Variants in DKK2 observed in about 807,000 individuals in gnomAD.
The protein encoded by DKK2 is dickkopf-related protein 2.
Under a neutral mutation model 28.1 loss-of-function variants are expected in DKK2, and 11 were observed. The observed-to-expected ratio is 0.39, with a 90% CI of 0.25 to 0.65. The LOEUF (loss-of-function observed/expected upper bound fraction) is 0.65, where lower values mean the gene tolerates loss of function less well. Among genes scored for constraint, DKK2 ranks in the 30% least tolerant of loss-of-function variants. The pLI, the probability that DKK2 is intolerant of heterozygous loss-of-function variation, is 0.47. For missense variants in DKK2, 326 were observed against 335.5 expected (o/e 0.97, Z 0.22); for synonymous variants, 135 against 126.5 (o/e 1.07, Z -0.45).
intron 1 of DKK2, among the ~76,000 whole-genome samples, chr4:107,000,446 A>T (rs1487865263): frequency 1.3e-5 from 2 of 152,236 alleles, no homozygotes; most frequent in African/African-American, 4.8e-5. Flanking sequence ...AACTACTTTT[A>T]GCACATGCAA....
chr4:106,925,207 TG>T (rs146872380), intron 2 of DKK2, among the ~76,000 whole-genome samples: 1,730 of 152,322 alleles, frequency 0.011, 30 homozygotes, highest in African/African-American at 0.04. Flanking sequence ...CTGATTATGT[TG>T]TTTTATATGA....
In DKK2 at chr4:106,927,138, G is replaced by A. The variant is rs112888434; in HGVS notation, c.223-1189C>T. Among the ~76,000 whole-genome samples, 362 of 152,136 alleles carry A rather than the reference G, an allele frequency of 2.4e-3. 1 individual carries two copies. Among genetic ancestry groups the A allele is most frequent in the African/African-American group, 8.4e-3 (350 of 41,508 alleles). On this transcript the variant is annotated intron_variant, in intron 1 of 3. Coordinates refer to ENST00000285311, the MANE Select transcript of DKK2 (RefSeq NM_014421.3). The stretch of plus-strand genomic sequence containing the variant: ...ATAAATAATTTGAACATAAACTATG[G>A]GATAAAATGGTTATGGCTCTCAAAT...
chr4:107,011,843 A>G (rs776680532), intron 1 of DKK2, among the ~76,000 whole-genome samples: 9 of 151,420 alleles, frequency 5.9e-5, no homozygotes, highest in Non-Finnish European at 8.9e-5. Flanking sequence ...ACAAATGTCA[A>G]TACAGTGAGA....
chr4:106,939,314 A>T (rs1286643875), intron 1 of DKK2, among the ~76,000 whole-genome samples: 1 of 152,204 alleles, frequency 6.6e-6, no homozygotes, highest in Non-Finnish European at 1.5e-5. Context: ...CTTATACACC[A>T]ATAACAGACA....
At chr4:107,020,481 A>G (rs1433376880) in intron 1 of DKK2, among the ~76,000 whole-genome samples, 1 of 152,084 alleles carries the variant, frequency 6.6e-6, no homozygotes, top group Non-Finnish European at 1.5e-5. Context: ...GAACAACTGC[A>G]AGAACATTTT....
intron 1 of DKK2, among the ~76,000 whole-genome samples, chr4:106,962,798 C>T (rs549818076): frequency 4.7e-4 from 72 of 151,802 alleles, no homozygotes; most frequent in African/African-American, 1.7e-3. Context: ...GCAAAGGAAA[C>T]AATCAACAAA....
chr4:107,030,714 A>C (rs1434934686), intron 1 of DKK2, among the ~76,000 whole-genome samples: 5 of 152,020 alleles, frequency 3.3e-5, no homozygotes, highest in African/African-American at 4.8e-5. Context: ...TGAGTCTAAA[A>C]TGGTAAATAT....
chr4:106,940,953 T>A (rs1310502362), intron 1 of DKK2, among the ~76,000 whole-genome samples: 4 of 151,738 alleles, frequency 2.6e-5, no homozygotes, highest in Non-Finnish European at 5.9e-5. Flanking sequence ...CTCTGGGGAC[T>A]GTTGTGTGGT....
At chr4:107,017,386 A>C (rs182493174) in intron 1 of DKK2, among the ~76,000 whole-genome samples, 1 of 152,160 alleles carries the variant, frequency 6.6e-6, no homozygotes, top group Non-Finnish European at 1.5e-5. Flanking sequence ...TTGATTTTTC[A>C]AGGCACACTT....
intron 1 of DKK2, among the ~76,000 whole-genome samples, chr4:107,029,926 T>C (rs1325188651): frequency 6.6e-6 from 1 of 152,144 alleles, no homozygotes; most frequent in Non-Finnish European, 1.5e-5. Flanking sequence ...TTTTTAAAAA[T>C]TGACTACTTT....
intron 1 of DKK2, among the ~76,000 whole-genome samples, chr4:107,015,642 T>C (rs368628705): frequency 6.6e-6 from 1 of 151,766 alleles, no homozygotes. Context: ...TTTTCCCACA[T>C]TGTTACCCAA....
rs928086768 is a variant in DKK2 at position 106,977,786 on chromosome 4, G to A, written c.223-51837C>T. Among the ~76,000 whole-genome samples the A allele has an allele frequency of 5.9e-5, 9 of 152,296 alleles. 1 individual carries two copies. Among genetic ancestry groups the A allele is most frequent in the Admixed American group, 5.9e-4 (9 of 15,302 alleles). On this transcript the variant is annotated intron_variant, in intron 1 of 3. Coordinates refer to ENST00000285311, the MANE Select transcript of DKK2 (RefSeq NM_014421.3). ...GTCCAGTTTTGTTCCCTTGTTGGGA[G>A]GAATTGTGATCCTTTGGAGGAGAAG...
At chr4:107,008,650 A>G (rs1023378338) in intron 1 of DKK2, among the ~76,000 whole-genome samples, 1 of 152,024 alleles carries the variant, frequency 6.6e-6, no homozygotes, top group Non-Finnish European at 1.5e-5. Flanking sequence ...TGGAGCCACA[A>G]TGTAGAAGAT....
chr4:107,000,239 C>A (rs891429831), intron 1 of DKK2, among the ~76,000 whole-genome samples: 1 of 152,022 alleles, frequency 6.6e-6, no homozygotes, highest in South Asian at 2.1e-4. Context: ...ATGGATTTTT[C>A]TTTCTTAGTC....
At chr4:106,952,633 A>G (rs1030263568) in intron 1 of DKK2, among the ~76,000 whole-genome samples, 21 of 152,176 alleles carry the variant, frequency 1.4e-4, no homozygotes, top group African/African-American at 5.1e-4. Flanking sequence ...ATGTCAATAC[A>G]TATTCAGTGA....
rs1022814851 is a variant in DKK2, at chr4:106,983,994, C to T, written c.222+51376G>A. ...GTGAGGATGCAGAACAACTGGATCC[C>T]TCACACACCGCTGAGGGGAATGGAA... On this transcript the variant is annotated intron_variant, in intron 1 of 3. Transcript: ENST00000285311. Among the ~76,000 whole-genome samples the T allele has an allele frequency of 5.9e-5, 9 of 152,218 alleles. 1 individual carries two copies. The highest frequency in any genetic ancestry group is 5.9e-4 in the Admixed American group (9 of 15,292).
At chr4:106,978,671 T>A (rs750698632) in intron 1 of DKK2, among the ~76,000 whole-genome samples, 1 of 152,182 alleles carries the variant, frequency 6.6e-6, no homozygotes, top group South Asian at 2.1e-4. Flanking sequence ...CTTAGCTTGC[T>A]GGGCTCTGTG....
chr4:106,997,258 A>G (rs1560588675), intron 1 of DKK2, among the ~76,000 whole-genome samples: 1 of 152,202 alleles, frequency 6.6e-6, no homozygotes, highest in South Asian at 2.1e-4. Context: ...CATCTAACAC[A>G]GAACCTGACA....
chr4:107,034,678 C>A (rs566321520), intron 1 of DKK2, among the ~76,000 whole-genome samples: 71 of 152,226 alleles, frequency 4.7e-4, no homozygotes, highest in African/African-American at 1.5e-3. Flanking sequence ...TACAATTCTG[C>A]GTGAGTGAGA....
Sources: gnomAD v4.1 joint callset for allele counts (sites outside exome capture counted in the v4.1 genomes callset) on GRCh38, gnomAD v4.1.1 for gene constraint, MANE v1.5 for transcripts, NCBI Gene and HGNC (gene_info 2026-07-23, HGNC 2026-07-21) for gene names.